SHTN1: variants seen among roughly 807,000 people sequenced by gnomAD.
SHTN1 encodes the protein shootin-1.
A neutral mutation model predicts 83.1 loss-of-function variants in SHTN1; 42 were observed. That is an observed-to-expected ratio of 0.51 (90% CI 0.39 to 0.65). SHTN1 has a LOEUF of 0.65. Among genes scored for constraint, SHTN1 ranks in the 30% least tolerant of loss-of-function variants. The pLI, the probability that SHTN1 is intolerant of heterozygous loss-of-function variation, is 0.00. For missense variants in SHTN1, 622 were observed against 737.8 expected, an observed-to-expected ratio of 0.84 and a Z score of 1.82; for synonymous variants, 224 against 247.7, an observed-to-expected ratio of 0.90 and a Z score of 0.90.
chr10:117,042,959 T>A (rs965668249), intron 2 of SHTN1, among the ~76,000 whole-genome samples: 2 of 152,066 alleles, frequency 1.3e-5, no homozygotes, highest in African/African-American at 4.8e-5. Context: ...TAAACACAAA[T>A]ATTTAACCTG....
At chr10:117,101,781 C>A (rs1853597929) in intron 1 of SHTN1, among the ~76,000 whole-genome samples, 1 of 152,158 alleles carries the variant, frequency 6.6e-6, no homozygotes, top group Non-Finnish European at 1.5e-5. Context: ...ATTCCAGATA[C>A]TATACCAAGT....
At position 116,948,364 on chromosome 10, in the gene SHTN1, T is replaced by A. The variant is rs2133414029; in HGVS notation, c.616+552A>T. Among the ~76,000 whole-genome samples the A allele has an allele frequency of 3.3e-5, 5 of 152,296 alleles. 1 individual carries two copies. The South Asian group carries it at 1.0e-3, about 32-fold the overall frequency. On this transcript the variant is annotated intron_variant, in intron 7 of 16. Transcript: ENST00000355371. ...ATTTTCATGTGATTCATTTAAATGA[T>A]CATCAATCTCTTATTGCACTGACTG...
intron 1 of SHTN1, among the ~76,000 whole-genome samples, chr10:117,052,730 T>A (rs1225296106): frequency 6.6e-6 from 1 of 151,790 alleles, no homozygotes; most frequent in Non-Finnish European, 1.5e-5. Flanking sequence ...TGTAAAAGAA[T>A]TAAGTTGGGC....
intron 1 of SHTN1, among the ~76,000 whole-genome samples, chr10:117,061,135 C>CTTTTTTTTTTTTTT (rs5788206): frequency 7.9e-5 from 10 of 127,264 alleles, no homozygotes; most frequent in African/African-American, 8.4e-5. Flanking sequence ...AAGCTTTAGT[C>CTTTTTTTTTTTTTT]TTTTTTTTTT....
intron 1 of SHTN1, among the ~76,000 whole-genome samples, chr10:117,064,793 T>C (rs891654516): frequency 6.6e-6 from 1 of 152,216 alleles, no homozygotes; most frequent in African/African-American, 2.4e-5. Context: ...GCGATCTAAA[T>C]TGAACCTTAC....
intron 2 of SHTN1, among the ~76,000 whole-genome samples, chr10:116,976,417 A>T (rs1033484307): frequency 6.6e-6 from 1 of 152,212 alleles, no homozygotes; most frequent in Non-Finnish European, 1.5e-5. Flanking sequence ...GAAGGAAAAA[A>T]TACCTTGCAA....
chr10:116,948,584 A>T (rs571194388), intron 7 of SHTN1, among the ~76,000 whole-genome samples: 2 of 152,308 alleles, frequency 1.3e-5, no homozygotes, highest in South Asian at 4.1e-4. Context: ...ATTGAGATTT[A>T]CTAAATAACC....
At chr10:117,072,611 A>G (rs529599791) in intron 1 of SHTN1, among the ~76,000 whole-genome samples, 47 of 152,322 alleles carry the variant, frequency 3.1e-4, no homozygotes, top group African/African-American at 9.9e-4. Context: ...CAGAAGAGAG[A>G]TAACAATCAC....
At chr10:116,959,236 A>T (rs542031053) in intron 4 of SHTN1, among the ~76,000 whole-genome samples, 24 of 152,328 alleles carry the variant, frequency 1.6e-4, no homozygotes, top group Non-Finnish European at 2.9e-4. Context: ...ATAACAGGAG[A>T]GAAGTTACAT....
chr10:116,959,973 A>G (rs565697330), intron 4 of SHTN1, among the ~76,000 whole-genome samples, 163 bp downstream of exon 4: 3 of 152,232 alleles, frequency 2.0e-5, no homozygotes, highest in Non-Finnish European at 4.4e-5. Flanking sequence ...GAATATTTAC[A>G]TAATCATATT....
At chr10:116,937,185 G>A (rs1185773758) in intron 9 of SHTN1, among the ~76,000 whole-genome samples, 1 of 152,138 alleles carries the variant, frequency 6.6e-6, no homozygotes, top group African/African-American at 2.4e-5. Flanking sequence ...ATTGTTATGT[G>A]TGAATTTGAT....
At chr10:116,910,050 C>T (rs761691805) in intron 14 of SHTN1, among the ~76,000 whole-genome samples, 10 of 152,126 alleles carry the variant, frequency 6.6e-5, no homozygotes, top group Non-Finnish European at 1.5e-4. Context: ...CAGCAACAAG[C>T]ACCACTAAAG....
At chr10:116,892,416 T>C (rs1050624273) in intron 16 of SHTN1, among the ~76,000 whole-genome samples, 2 of 152,212 alleles carry the variant, frequency 1.3e-5, no homozygotes, top group African/African-American at 2.4e-5. Flanking sequence ...TTTTTTAGCT[T>C]TTTATAATTC....
chr10:116,990,967 A>C (rs1851408696), intron 1 of SHTN1, among the ~76,000 whole-genome samples: 1 of 152,098 alleles, frequency 6.6e-6, no homozygotes, highest in Non-Finnish European at 1.5e-5. Context: ...CGGGTGGATC[A>C]CGAGGTCAGG....
At chr10:116,906,873 C>T (rs1334433445) in intron 14 of SHTN1, 126 bp from the exon 15 acceptor site, 10 of 746,356 alleles carry the variant, frequency 1.3e-5, no homozygotes, top group Non-Finnish European at 2.0e-5. Flanking sequence ...AATGAATTTG[C>T]TATATATTAA....
At chr10:116,938,627 T>C (rs1237879059) in intron 9 of SHTN1, among the ~76,000 whole-genome samples, 3 of 152,188 alleles carry the variant, frequency 2.0e-5, no homozygotes, top group Non-Finnish European at 2.9e-5. Context: ...TGTCTCCCAG[T>C]CAGGAGGCAT....
chr10:116,979,840 G>C (rs749792201), intron 1 of SHTN1, among the ~76,000 whole-genome samples: 7 of 152,192 alleles, frequency 4.6e-5, no homozygotes, highest in Non-Finnish European at 7.3e-5. Flanking sequence ...GTAGAAAGTA[G>C]AGTAGGTTTG....
intron 1 of SHTN1, among the ~76,000 whole-genome samples, chr10:116,992,883 A>G (rs1851489647): frequency 6.6e-6 from 1 of 152,122 alleles, no homozygotes; most frequent in South Asian, 2.1e-4. Flanking sequence ...ATTGGATCCA[A>G]CTGTCATTTA....
Position 116,888,596 on chromosome 10 carries a change from A to G in SHTN1, c.1674-2030T>C, listed in dbSNP as rs143335311. Among the ~76,000 whole-genome samples, 948 of 152,336 alleles carry G rather than the reference A, an allele frequency of 6.2e-3. 5 individuals are homozygous for G. The highest frequency in any genetic ancestry group is 0.021 in the Admixed American group (320 of 15,304). ...ATCTTGATGATGCAAGACAATCTGC[A>G]GAATAAGCAGGAGCCTTCCCCAAGG... On this transcript the variant is annotated intron_variant, in intron 16 of 16. Transcript: ENST00000355371.
Sources: gnomAD v4.1 joint callset for allele counts (sites outside exome capture counted in the v4.1 genomes callset) on GRCh38, gnomAD v4.1.1 for gene constraint, MANE v1.5 for transcripts, NCBI Gene and HGNC (gene_info 2026-07-23, HGNC 2026-07-21) for gene names.